Variants in PRRC2C observed in about 807,000 individuals in gnomAD.
PRRC2C encodes proline rich coiled-coil 2C.
Under a neutral mutation model 317.2 loss-of-function variants are expected in PRRC2C, and 72 were observed. The observed-to-expected ratio is 0.23, with a 90% CI of 0.19 to 0.28. The LOEUF (loss-of-function observed/expected upper bound fraction) is 0.28, where lower values mean the gene tolerates loss of function less well. Among genes scored for constraint, PRRC2C ranks in the 10% least tolerant of loss-of-function variants. PRRC2C has a pLI of 1.00. For synonymous variants in PRRC2C, 1,296 were observed against 1,205.9 expected (o/e 1.07, Z -1.55); for missense variants, 3,074 against 3,459.7 (o/e 0.89, Z 2.80).
intron 1 of PRRC2C, among the ~76,000 whole-genome samples, chr1:171,491,950 T>C (rs4916387): frequency 0.42 from 64,580 of 152,054 alleles, 15,087 homozygotes; most frequent in East Asian, 0.6. Flanking sequence ...ATAAATTTTA[T>C]AGCTCTTAAT....
intron 20 of PRRC2C, among the ~76,000 whole-genome samples, chr1:171,563,739 C>T (rs1683118287): frequency 6.6e-6 from 1 of 152,104 alleles, no homozygotes; most frequent in Non-Finnish European, 1.5e-5. Flanking sequence ...TCAGAGAACT[C>T]TAAAACTCAA....
intron 18 of PRRC2C, among the ~76,000 whole-genome samples, chr1:171,556,726 A>G (rs1681503444): frequency 6.6e-6 from 1 of 152,378 alleles, no homozygotes; most frequent in East Asian, 1.9e-4. Context: ...CTACAAAAGT[A>G]TCTATTGTAA....
Position 171,503,604 on chromosome 1 carries a change from A to G in PRRC2C, c.-57-8428A>G, listed in dbSNP as rs113938872. Among the ~76,000 whole-genome samples, 1,062 of 152,046 alleles carry G rather than the reference A, an allele frequency of 7.0e-3. 15 individuals carry two copies. The highest frequency in any genetic ancestry group is 0.024 in the African/African-American group (1,003 of 41,492). ...TTTCCGGTTCTTTAATATTCTTGCC[A>G]AAACCTGATATAATCATTCTATAAT... On this transcript the variant is annotated intron_variant, in intron 1 of 34. Coordinates refer to ENST00000647382, the MANE Select transcript of PRRC2C (RefSeq NM_001387844.1).
At position 171,581,765 on chromosome 1, in the gene PRRC2C, A is replaced by G. The variant is rs138846811; in HGVS notation, c.7409+1801A>G. On this transcript the variant is annotated intron_variant, in intron 28 of 34. Transcript: ENST00000647382. ...ATAAGTAGGTATTGTAAAGACTGCT[A>G]TGATCCTAGACTAGCATTCTTCCTT... is the stretch of plus-strand genomic sequence containing the variant. Among the ~76,000 whole-genome samples the G allele has an allele frequency of 3.2e-3, 487 of 152,330 alleles. 3 individuals are homozygous for G. The highest frequency in any genetic ancestry group is 5.7e-3 in the Non-Finnish European group (391 of 68,034).
At chr1:171,486,699 A>C (rs763172842) in intron 1 of PRRC2C, among the ~76,000 whole-genome samples, 3 of 152,182 alleles carry the variant, frequency 2.0e-5, no homozygotes, top group Non-Finnish European at 2.9e-5. Flanking sequence ...AGAATTGTAC[A>C]GTAGGCGGCT....
At chr1:171,584,602 T>C in intron 30 of PRRC2C, 76 bp downstream of exon 30, 1 of 1,449,074 alleles carries the variant, frequency 6.9e-7, no homozygotes, top group Non-Finnish European at 9.2e-7. Flanking sequence ...TTTGGGAATT[T>C]AAATTGAACC....
intron 3 of PRRC2C, among the ~76,000 whole-genome samples, chr1:171,514,262 ATGTGTG>A (rs10531775): frequency 0.088 from 13,058 of 148,652 alleles, 1,847 homozygotes; most frequent in African/African-American, 0.3. Flanking sequence ...GTGTGTGTGT[ATGTGTG>A]TGTGTGTGTG....
Position 171,541,620 on chromosome 1 carries a change from C to G in PRRC2C, c.4154C>G (p.Pro1385Arg). The G allele has an allele frequency of 1.2e-6, 2 of 1,613,748 alleles. No homozygotes were observed. The highest frequency in any genetic ancestry group is 1.1e-5 in the South Asian group (1 of 91,062). Residue 1385 changes from proline (P) to arginine (R), a missense_variant, in exon 16 of 35, where the codon CCT becomes CGT. Coordinates refer to ENST00000647382, the MANE Select transcript of PRRC2C (RefSeq NM_001387844.1). The surrounding 1 kb of genome is among the most constrained non-coding windows in gnomAD (Gnocchi z 4.1). ...NQWNPRQSEVPKPEDGEPPRR... is the reference protein window; with the variant it reads ...NQWNPRQSEVRKPEDGEPPRR... ...TGGAACCCAAGGCAGTCAGAAGTTCCTAAACCAGAAGATGGAGAGCCGCCA... is the reference window on the plus strand; with the variant it reads ...TGGAACCCAAGGCAGTCAGAAGTTCGTAAACCAGAAGATGGAGAGCCGCCA...
At chr1:171,509,143 C>T (rs139654580) in intron 1 of PRRC2C, among the ~76,000 whole-genome samples, 1 of 152,200 alleles carries the variant, frequency 6.6e-6, no homozygotes, top group Non-Finnish European at 1.5e-5. Flanking sequence ...CCTCAGCCCC[C>T]CAAAGTGCTG....
At position 171,575,122 on chromosome 1, in the gene PRRC2C, C is replaced by T; in HGVS notation, c.6949C>T (p.Leu2317=). Residue 2317 remains leucine (L), a synonymous_variant, in exon 25 of 35, where the codon CTA becomes TTA. Coordinates refer to ENST00000647382, the MANE Select transcript of PRRC2C (RefSeq NM_001387844.1). ...TGCTTCAGTCACTCCTACAGCATCA[C>T]TATCAGGTAGAACTTTTTCGTTCTG... ...PVASVTPTAS[L]SGAGTYTTSS... The T allele has an allele frequency of 6.2e-7, 1 of 1,612,402 alleles. No homozygotes were observed. Among genetic ancestry groups the T allele is most frequent in the Non-Finnish European group, 8.5e-7 (1 of 1,178,886 alleles).
intron 1 of PRRC2C, among the ~76,000 whole-genome samples, chr1:171,492,402 AAAG>A (rs544193485): frequency 8.4e-4 from 128 of 152,330 alleles, no homozygotes; most frequent in African/African-American, 2.5e-3. Context: ...GGAGAAAGAA[AAAG>A]AAGGAGTTGG....
chr1:171,527,004 C>T lies in PRRC2C; in HGVS notation c.1201-787C>T, dbSNP rs77294380. ...TTGTATCTTTAGTAGAGACAGGTTTCGCCATGTTCGCCAGGCTGGTCTCTA... is the reference window on the plus strand; with the variant it reads ...TTGTATCTTTAGTAGAGACAGGTTTTGCCATGTTCGCCAGGCTGGTCTCTA... On this transcript the variant is annotated intron_variant, in intron 10 of 34. Transcript: ENST00000647382. Among the ~76,000 whole-genome samples, 14 of 150,408 alleles carry T rather than the reference C, an allele frequency of 9.3e-5. No individual in the cohort carries two copies. In the East Asian group the frequency reaches 1.4e-3, roughly 15 times the overall value.
chr1:171,573,740 G>T (rs183194511), intron 24 of PRRC2C, among the ~76,000 whole-genome samples: 1 of 144,776 alleles, frequency 6.9e-6, no homozygotes, highest in African/African-American at 2.6e-5. Context: ...GTGCAGTGGC[G>T]CTATCTCGGC....
chr1:171,529,643 C>G (rs117437210), intron 11 of PRRC2C, among the ~76,000 whole-genome samples: 1 of 152,310 alleles, frequency 6.6e-6, no homozygotes, highest in East Asian at 1.9e-4. Context: ...TTGACAGATA[C>G]TGCTTTCCTC....
At chr1:171,558,653 A>G (rs561606757) in intron 19 of PRRC2C, among the ~76,000 whole-genome samples, 43 of 152,306 alleles carry the variant, frequency 2.8e-4, no homozygotes, top group African/African-American at 1.0e-3. Context: ...TAATTGATAA[A>G]TGTTTTGTGT....
intron 30 of PRRC2C, among the ~76,000 whole-genome samples, chr1:171,586,063 A>ATTTTTTTTTTTTTTT (rs920423722): frequency 4.8e-5 from 4 of 83,030 alleles, no homozygotes; most frequent in Admixed American, 1.7e-4. Context: ...TCAGGTGTTG[A>ATTTTTTTTTTTTTTT]TTTTTTTTTT....
chr1:171,568,431 T>A, intron 23 of PRRC2C, 92 bp downstream of exon 23: 1 of 1,464,600 alleles, frequency 6.8e-7, no homozygotes, highest in Non-Finnish European at 9.1e-7. Context: ...ACTGTAGTGA[T>A]CAATATTTAA....
Position 171,584,496 on chromosome 1 carries a change from C to T in PRRC2C, c.7719C>T (p.Asn2573=). 1 of 1,592,038 alleles carries T rather than the reference C, an allele frequency of 6.3e-7. No homozygotes were observed. Among genetic ancestry groups the T allele is most frequent in the Non-Finnish European group, 8.6e-7 (1 of 1,168,456 alleles). ...AGCCTGGTCAGACAAATTTTTATAA[C>T]ACTGCCCAGTCACCAAGTGCTCTCC... is the stretch of plus-strand genomic sequence containing the variant. ...VQQPGQTNFY[N]TAQSPSALQQ... is the part of the protein sequence containing the mutation. Residue 2573 remains asparagine, a synonymous_variant, in exon 30 of 35, where the codon AAC becomes AAT. Transcript: ENST00000647382.
chr1:171,513,938 C>A (rs1354549659), intron 3 of PRRC2C, among the ~76,000 whole-genome samples: 1 of 152,184 alleles, frequency 6.6e-6, no homozygotes, highest in Non-Finnish European at 1.5e-5. Context: ...CCCAGAAACA[C>A]ATTGCATTTT....
Sources: allele counts gnomAD v4.1 joint callset (sites outside exome capture counted in the v4.1 genomes callset), GRCh38; gene constraint gnomAD v4.1.1; non-coding constraint Gnocchi (gnomAD v3.1); transcripts MANE v1.5; gene names NCBI Gene and HGNC (gene_info 2026-07-23, HGNC 2026-07-21).